HRNR: variants seen among roughly 807,000 people sequenced by gnomAD.
HRNR encodes filaggrin family member 3.
HRNR carries 7 observed loss-of-function variants against 4.8 expected under a neutral mutation model. The observed-to-expected ratio is 1.47, with a 90% confidence interval of 0.83 to 2.75. The LOEUF (loss-of-function observed/expected upper bound fraction) is 2.75. HRNR is among the 30% of genes most tolerant of loss of function. The probability of loss-of-function intolerance (pLI) is 0.00; values close to 1 mark genes in which losing one functional copy is unlikely to be tolerated. For synonymous variants in HRNR, 1,023 were observed against 1,242.7 expected, an observed-to-expected ratio of 0.82 and a Z score of 3.72; for missense variants, 2,879 against 3,010.4, an observed-to-expected ratio of 0.96 and a Z score of 1.02.
Position 152,219,286 on chromosome 1 carries a change from A to G in HRNR, c.2343T>C (p.His781=). The change falls in exon 3 of 3, where the codon CAT becomes CAC. Residue 781 remains histidine (H), a synonymous_variant. Transcript: ENST00000368801. The part of the protein sequence containing the change: ...GSGHSPSRVR[H]GSSSGHSSSH... ...TGGAGGAGTGCCCTGAACTGGACCC[A>G]TGTCGGACACGGCTAGGAGAGTGGC... The G allele has an allele frequency of 2.5e-6, 4 of 1,612,554 alleles. No homozygotes were observed. Among genetic ancestry groups the G allele is most frequent in the Non-Finnish European group, 3.4e-6 (4 of 1,179,760 alleles).
In HRNR at chr1:152,219,086, G is replaced by C. The variant is rs764802435; in HGVS notation, c.2543C>G (p.Ser848Ter). The C allele has an allele frequency of 2.5e-5, 41 of 1,613,832 alleles. No homozygotes were observed. The highest frequency in any genetic ancestry group is 7.7e-5 in the South Asian group (7 of 91,072). Residue 848 changes from serine (S) to a stop codon, truncating the protein, a stop_gained, in exon 3 of 3, where the codon TCA becomes TGA. Transcript: ENST00000368801. LOFTEE classifies it low-confidence loss of function (END_TRUNC). ...TTGGCCGGAGCTTGATGACTGCCCTGACGTAGATCCATGTCGTCCCTGGCT... is the reference window on the plus strand; with the variant it reads ...TTGGCCGGAGCTTGATGACTGCCCTCACGTAGATCCATGTCGTCCCTGGCT... The part of the protein sequence containing the change: ...FSSQGRHGST[S>*]GQSSSSGQHD...
Position 152,219,045 on chromosome 1 carries a change from C to G in HRNR, c.2584G>C (p.Gly862Arg), listed in dbSNP as rs757717360. The change falls in exon 3 of 3, where the codon GGT (glycine) becomes CGT (arginine). Residue 862 changes from glycine to arginine, a missense_variant. By Grantham distance (125) the Gly-to-Arg change is moderately radical (BLOSUM62 -2). This residue lies in a region of HRNR where 2,646 missense variants were observed against 1,377.7 expected (regional missense o/e 1.92). Coordinates refer to ENST00000368801, the MANE Select transcript of HRNR (RefSeq NM_001009931.3). ...TGCTGACCATAGCTGGAAGATTGAC[C>G]TGAGCTAGAGTCATGTTGGCCGGAG... ...SSSGQHDSSS[G>R]QSSSYGQHES... The G allele has an allele frequency of 1.9e-6, 3 of 1,613,628 alleles. No individual in the cohort carries two copies. Among genetic ancestry groups the G allele is most frequent in the Non-Finnish European group, 2.5e-6 (3 of 1,179,962 alleles).
In HRNR at chr1:152,218,824, C is replaced by G. The variant is rs758813243; in HGVS notation, c.2805G>C (p.Lys935Asn). Residue 935 changes from lysine (K) to asparagine (N), a missense_variant, in exon 3 of 3, where the codon AAG (lysine) becomes AAC (asparagine). Lys to Asn is a moderately conservative substitution (Grantham distance 94, BLOSUM62 0). Transcript: ENST00000368801. ...GSGQSSGFGHKSSSGQSSGYT... is the reference protein window; with the variant it reads ...GSGQSSGFGHNSSSGQSSGYT... ...AACCAGAGGACTGCCCTGAGCTAGACTTGTGACCAAAGCCAGAAGACTGGC... is the reference window on the plus strand; with the variant it reads ...AACCAGAGGACTGCCCTGAGCTAGAGTTGTGACCAAAGCCAGAAGACTGGC... The G allele has an allele frequency of 4.3e-6, 7 of 1,612,810 alleles. No homozygotes were observed. Among genetic ancestry groups the G allele is most frequent in the South Asian group, 1.1e-5 (1 of 90,982 alleles).
At position 152,223,159 on chromosome 1, in the gene HRNR, T is replaced by G. The variant is rs763802003; in HGVS notation, c.95A>C (p.Glu32Ala). 5.0e-6 allele frequency: 8 copies of G among 1,614,002 alleles called. No homozygotes were observed. Among genetic ancestry groups the G allele is most frequent in the Middle Eastern group, 3.3e-4 (2 of 6,062 alleles). Reference protein sequence around the residue: ...HGEYDTLNKAELKELLENEFH... With the variant: ...HGEYDTLNKAALKELLENEFH... ...CTCATTTTCCAGAAGTTCTTTCAGCTCTGCCTTGTTCAACGTATCATACTC... is the reference window on the plus strand; with the variant it reads ...CTCATTTTCCAGAAGTTCTTTCAGCGCTGCCTTGTTCAACGTATCATACTC... The change falls in exon 2 of 3, where the codon GAG becomes GCG. Residue 32 changes from glutamate (E) to alanine (A), a missense_variant. By Grantham distance (107) the Glu-to-Ala change is moderately radical. Transcript: ENST00000368801.
Position 152,220,301 on chromosome 1 carries a change from C to T in HRNR, c.1328G>A (p.Gly443Glu), listed in dbSNP as rs1648915999. 4 of 1,613,810 alleles carry T rather than the reference C, an allele frequency of 2.5e-6. No individual in the cohort carries two copies. Among genetic ancestry groups the T allele is most frequent in the South Asian group, 2.2e-5 (2 of 91,080 alleles). The part of the protein sequence containing the change: ...SGQSPSSGQH[G>E]TGFGRSSSSG... ...GCTGGAAGATCGACCAAAGCCAGTC[C>T]CATGTTGGCCGGAGCTGGGAGACTG... The change falls in exon 3 of 3, where the codon GGG becomes GAG. Residue 443 changes from glycine (G) to glutamate (E), a missense_variant. By Grantham distance (98) the Gly-to-Glu change is moderately conservative (BLOSUM62 -2). Around this residue, in one of 8 missense-constraint regions of HRNR, gnomAD observed 2,646 missense variants for 1,377.7 expected, o/e 1.92. Transcript: ENST00000368801.
At position 152,218,758 on chromosome 1, in the gene HRNR, G is replaced by T. The variant is rs144834346; in HGVS notation, c.2871C>A (p.Tyr957Ter). The change falls in exon 3 of 3, where the codon TAC (tyrosine) becomes TAA (stop). Residue 957 changes from tyrosine (Y) to a stop codon, truncating the protein, a stop_gained. Coordinates refer to ENST00000368801, the MANE Select transcript of HRNR (RefSeq NM_001009931.3). LOFTEE classifies it low-confidence loss of function (END_TRUNC). ...HGSGSGHSSS[Y>*]EQHGSRSGQS... ...GTCCTGACCTAGAGCCGTGTTGTTCGTAGCTGGAGGAGTGACCTGAGCCAG... is the reference window on the plus strand; with the variant it reads ...GTCCTGACCTAGAGCCGTGTTGTTCTTAGCTGGAGGAGTGACCTGAGCCAG... 4 of 1,613,784 alleles carry T rather than the reference G, an allele frequency of 2.5e-6. No individual in the cohort carries two copies. The highest frequency in any genetic ancestry group is 1.1e-5 in the South Asian group (1 of 91,060).
In HRNR at chr1:152,220,798, T is replaced by G. The variant is rs149627947; in HGVS notation, c.831A>C (p.Ser277=). Residue 277 remains serine, a synonymous_variant, in exon 3 of 3, where the codon TCA becomes TCC. Coordinates refer to ENST00000368801, the MANE Select transcript of HRNR (RefSeq NM_001009931.3). ...GCTGACCATAGCTGGAAGACGAACC[T>G]GAGCTAGATCTGTGTCGTTCACCCC... is the stretch of plus-strand genomic sequence containing the variant. ...SSRGERHRSS[S]GSSSSYGQHG... The G allele has an allele frequency of 1.3e-4, 204 of 1,613,982 alleles. No homozygotes were observed. The African/African-American group carries it at 2.6e-3, about 20-fold the overall frequency.
In HRNR at chr1:152,213,015, C is replaced by A. The variant is rs925617141; in HGVS notation, c.*61G>T. The A allele has an allele frequency of 1.4e-5, 21 of 1,554,340 alleles. No homozygotes were observed. Among genetic ancestry groups the A allele is most frequent in the Non-Finnish European group, 1.7e-5 (20 of 1,152,066 alleles). On this transcript the variant is annotated 3_prime_UTR_variant, in exon 3 of 3. Transcript: ENST00000368801. ...GATTGCTTGTCTTTCATGATGAATT[C>A]ATAGATGACTTTCCTATTTCTTAAA...
intron 2 of HRNR, 76 bp downstream of exon 2, chr1:152,223,040 A>T: frequency 7.0e-7 from 1 of 1,420,004 alleles, no homozygotes; most frequent in Non-Finnish European, 9.9e-7. Flanking sequence ...AGGATGTTTG[A>T]CATATGTGAC....
At position 152,213,286 on chromosome 1, in the gene HRNR, CTGCCCT is replaced by C; in HGVS notation, c.8337_8342del (p.Gly2780_Gln2781del). On this transcript the variant is annotated inframe_deletion, in exon 3 of 3. Coordinates refer to ENST00000368801, the MANE Select transcript of HRNR (RefSeq NM_001009931.3). ...ACCCATGTTGGCCGTAGCTGGAAGACTGCCCTGAACCAGACCCGTGTCGGCCGTGGC... is the reference window on the plus strand; with the variant it reads ...ACCCATGTTGGCCGTAGCTGGAAGACGAACCAGACCCGTGTCGGCCGTGGC... 1 of 1,181,708 alleles carries C rather than the reference CTGCCCT, an allele frequency of 8.5e-7. No individual in the cohort carries two copies. Among genetic ancestry groups the C allele is most frequent in the Non-Finnish European group, 1.1e-6 (1 of 871,946 alleles). The allele number at this position is 1,181,708 out of a possible 1,614,324, so 73.2% of individuals were successfully genotyped here. A position where few individuals can be genotyped will look rare whatever the true frequency, so the allele number is the denominator to read the frequency against.
chr1:152,219,741 A>G lies in HRNR; in HGVS notation c.1888T>C (p.Ser630Pro). The G allele has an allele frequency of 6.2e-7, 1 of 1,612,458 alleles. No individual in the cohort carries two copies. Among genetic ancestry groups the G allele is most frequent in the Non-Finnish European group, 8.5e-7 (1 of 1,179,464 alleles). ...TGACCGTGGCTGGAAGACTGACCTG[A>G]GGTAGCTCCATGTTGGCCACAGCTC... ...SSSCGQHGAT[S>P]GQSSSHGQHG... Residue 630 changes from serine to proline, a missense_variant, in exon 3 of 3, where the codon TCA becomes CCA. Ser to Pro is a moderately conservative substitution (Grantham distance 74). Around this residue, in one of 8 missense-constraint regions of HRNR, gnomAD observed 2,646 missense variants for 1,377.7 expected, o/e 1.92. Transcript: ENST00000368801.
At chr1:152,223,375 TAGTC>T (rs71582220) in intron 1 of HRNR, 97 bp from the exon 2 acceptor site, 526,820 of 704,358 alleles carry the variant, frequency 0.75, 205,718 homozygotes, top group Non-Finnish European at 0.83. Context: ...TGTTCAGAAT[TAGTC>T]AGTCATGATT....
rs1329995873 is a variant in HRNR, at chr1:152,221,762, A to T, written c.139-272T>A. Among the ~76,000 whole-genome samples the T allele has an allele frequency of 3.3e-5, 5 of 152,230 alleles. No homozygotes were observed. In the East Asian group the frequency reaches 9.6e-4, roughly 29 times the overall value. ...TTATTTTTGGTAAAGAATGGGTCAAATATGAATGATTAGCTAATTTATAAG... is the reference window on the plus strand; with the variant it reads ...TTATTTTTGGTAAAGAATGGGTCAATTATGAATGATTAGCTAATTTATAAG... On this transcript the variant is annotated intron_variant, in intron 2 of 2. Coordinates refer to ENST00000368801, the MANE Select transcript of HRNR (RefSeq NM_001009931.3).
rs1401896524 is a variant in HRNR at position 152,221,119 on chromosome 1, G to A, written c.510C>T (p.Asn170=). 2.5e-6 allele frequency: 4 copies of A among 1,614,140 alleles called. No homozygotes were observed. The highest frequency in any genetic ancestry group is 3.4e-6 in the Non-Finnish European group (4 of 1,180,058). The change falls in exon 3 of 3, where the codon AAC becomes AAT. Residue 170 remains asparagine, a synonymous_variant. Coordinates refer to ENST00000368801, the MANE Select transcript of HRNR (RefSeq NM_001009931.3). ...SFQRDFSGQH[N]SYSGQSSSYG... The stretch of plus-strand genomic sequence containing the variant: ...AGCTGGAAGACTGACCTGAGTAGGA[G>A]TTATGTTGGCCAGAAAAGTCTCTTT...
Position 152,218,749 on chromosome 1 carries a change from G to T in HRNR, c.2880C>A (p.His960Gln), listed in dbSNP as rs147277587. 18 of 1,613,676 alleles carry T rather than the reference G, an allele frequency of 1.1e-5. No individual in the cohort carries two copies. Among genetic ancestry groups the T allele is most frequent in the Non-Finnish European group, 1.4e-5 (17 of 1,179,978 alleles). Residue 960 changes from histidine (H) to glutamine (Q), a missense_variant, in exon 3 of 3, where the codon CAC (histidine) becomes CAA (glutamine). By Grantham distance (24) the His-to-Gln change is conservative. Around this residue, in one of 8 missense-constraint regions of HRNR, gnomAD observed 2,646 missense variants for 1,377.7 expected, o/e 1.92. Transcript: ENST00000368801. Reference sequence around the variant, plus strand: ...TAGATGACTGTCCTGACCTAGAGCCGTGTTGTTCGTAGCTGGAGGAGTGAC... The same window carrying T: ...TAGATGACTGTCCTGACCTAGAGCCTTGTTGTTCGTAGCTGGAGGAGTGAC... ...GSGHSSSYEQ[H>Q]GSRSGQSSRS...
Position 152,218,897 on chromosome 1 carries a change from G to C in HRNR, c.2732C>G (p.Ser911Cys). Reference protein sequence around the residue: ...GQSPSYGRHGSGSGRSSSSGR... With the variant: ...GQSPSYGRHGCGSGRSSSSGR... The stretch of plus-strand genomic sequence containing the variant: ...ACTGCTGGAAGACCGACCGGAGCCA[G>C]ACCCATGTCGGCCATAGCTGGGAGA... The change falls in exon 3 of 3, where the codon TCT becomes TGT. Residue 911 changes from serine (S) to cysteine (C), a missense_variant. By Grantham distance (112) the Ser-to-Cys change is moderately radical. Around this residue, in one of 8 missense-constraint regions of HRNR, gnomAD observed 2,646 missense variants for 1,377.7 expected, o/e 1.92. Coordinates refer to ENST00000368801, the MANE Select transcript of HRNR (RefSeq NM_001009931.3). 1 of 1,613,962 alleles carries C rather than the reference G, an allele frequency of 6.2e-7. No individual in the cohort carries two copies. Among genetic ancestry groups the C allele is most frequent in the South Asian group, 1.1e-5 (1 of 91,056 alleles).
Position 152,219,215 on chromosome 1 carries a change from C to G in HRNR, c.2414G>C (p.Gly805Ala), listed in dbSNP as rs201507766. The G allele has an allele frequency of 6.2e-7, 1 of 1,613,860 alleles. No homozygotes were observed. The highest frequency in any genetic ancestry group is 1.1e-5 in the South Asian group (1 of 91,064). ...CTGGCCTGAGCCAGACTCATAATGG[C>G]CACAGCTGGAAGAACAACTTGTGCC... ...GSGTSCSSSC[G>A]HYESGSGQAS... Residue 805 changes from glycine (G) to alanine (A), a missense_variant, in exon 3 of 3, where the codon GGC becomes GCC. Around this residue, in one of 8 missense-constraint regions of HRNR, gnomAD observed 2,646 missense variants for 1,377.7 expected, o/e 1.92. Coordinates refer to ENST00000368801, the MANE Select transcript of HRNR (RefSeq NM_001009931.3).
At position 152,220,783 on chromosome 1, in the gene HRNR, G is replaced by A; in HGVS notation, c.846C>T (p.Ser282=). ...GGGAACCAGACCCATGCTGACCATAGCTGGAAGACGAACCTGAGCTAGATC... is the reference window on the plus strand; with the variant it reads ...GGGAACCAGACCCATGCTGACCATAACTGGAAGACGAACCTGAGCTAGATC... ...RHRSSSGSSS[S]YGQHGSGSRQ... The change falls in exon 3 of 3, where the codon AGC becomes AGT. Residue 282 remains serine (S), a synonymous_variant. Coordinates refer to ENST00000368801, the MANE Select transcript of HRNR (RefSeq NM_001009931.3). The A allele has an allele frequency of 1.2e-6, 2 of 1,614,146 alleles. No homozygotes were observed. Among genetic ancestry groups the A allele is most frequent in the Non-Finnish European group, 1.7e-6 (2 of 1,180,014 alleles).
Position 152,220,602 on chromosome 1 carries a change from C to G in HRNR, c.1027G>C (p.Gly343Arg). 6.2e-7 allele frequency: 1 copy of G among 1,612,058 alleles called. No homozygotes were observed. Among genetic ancestry groups the G allele is most frequent in the Non-Finnish European group, 8.5e-7 (1 of 1,178,714 alleles). Residue 343 changes from glycine to arginine, a missense_variant, in exon 3 of 3, where the codon GGC becomes CGC. By Grantham distance (125) the Gly-to-Arg change is moderately radical. Around this residue, in one of 8 missense-constraint regions of HRNR, gnomAD observed 2,646 missense variants for 1,377.7 expected, o/e 1.92. Coordinates refer to ENST00000368801, the MANE Select transcript of HRNR (RefSeq NM_001009931.3). Reference protein sequence around the residue: ...YSRGHYESGSGQTSGFGQHES... With the variant: ...YSRGHYESGSRQTSGFGQHES... ...TGTTGCCCAAAGCCAGAAGTCTGGCCTGAGCCAGACTCATAATGGCCACGG... is the reference window on the plus strand; with the variant it reads ...TGTTGCCCAAAGCCAGAAGTCTGGCGTGAGCCAGACTCATAATGGCCACGG...
Sources: gnomAD v4.1 joint callset for allele counts (sites outside exome capture counted in the v4.1 genomes callset) on GRCh38, gnomAD v4.1.1 for gene constraint, gnomAD v4.1.1 regional missense constraint, MANE v1.5 for transcripts, NCBI Gene and HGNC (gene_info 2026-07-23, HGNC 2026-07-21) for gene names.